The following RORA variants were observed in gnomAD, a reference collection of about 807,000 sequenced individuals.
RORA encodes the protein nuclear receptor ROR-alpha.
A neutral mutation model predicts 69.5 loss-of-function variants in RORA; 7 were observed. That is an observed-to-expected ratio of 0.10 (90% confidence interval 0.06 to 0.19). The LOEUF is 0.19. Among genes scored for constraint, RORA ranks in the 10% least tolerant of loss-of-function variants. RORA has a pLI of 1.00. For missense variants in RORA, 457 were observed against 663.0 expected, an observed-to-expected ratio of 0.69 and a Z score of 3.41; for synonymous variants, 261 against 240.8, an observed-to-expected ratio of 1.08 and a Z score of -0.78.
chr15:61,025,947 T>C (rs918202827), intron 1 of RORA, among the ~76,000 whole-genome samples: 2 of 152,168 alleles, frequency 1.3e-5, no homozygotes, highest in East Asian at 1.9e-4. Flanking sequence ...ATTAAACACA[T>C]TCCTAAAGGA....
At chr15:60,947,458 C>A (rs991110521) in intron 1 of RORA, among the ~76,000 whole-genome samples, 2 of 151,866 alleles carry the variant, frequency 1.3e-5, no homozygotes, top group Non-Finnish European at 2.9e-5. Flanking sequence ...AAGGGCGGTG[C>A]AAGATGTGCT....
intron 1 of RORA, among the ~76,000 whole-genome samples, chr15:60,756,791 T>G (rs1054377023): frequency 6.6e-6 from 1 of 152,162 alleles, no homozygotes; most frequent in African/African-American, 2.4e-5. Context: ...ACAGTTAAAT[T>G]TCAACCTACA....
intron 2 of RORA, among the ~76,000 whole-genome samples, chr15:60,589,491 G>A (rs966773658): frequency 2.6e-5 from 4 of 152,204 alleles, no homozygotes; most frequent in African/African-American, 7.2e-5. Context: ...CCGCTGCCGC[G>A]TGACATCTGG....
At chr15:60,826,525 T>A (rs2072959726) in intron 1 of RORA, among the ~76,000 whole-genome samples, 1 of 152,226 alleles carries the variant, frequency 6.6e-6, no homozygotes, top group Non-Finnish European at 1.5e-5. Context: ...GCACCAGTTC[T>A]AGGCGCTACA....
At chr15:60,568,175 T>C (rs748085057) in intron 2 of RORA, among the ~76,000 whole-genome samples, 7 of 152,222 alleles carry the variant, frequency 4.6e-5, no homozygotes, top group Non-Finnish European at 2.9e-5. Flanking sequence ...GATAGGACAG[T>C]GGTGCTCTGC....
At position 60,567,181 on chromosome 15, in the gene RORA, A is replaced by G. The variant is rs2059477; in HGVS notation, c.197-35330T>C. Among the ~76,000 whole-genome samples the G allele has an allele frequency of 6.0e-3, 915 of 151,482 alleles. 7 individuals are homozygous for G. The highest frequency in any genetic ancestry group is 0.021 in the African/African-American group (874 of 41,272). On this transcript the variant is annotated intron_variant, in intron 2 of 10. Coordinates refer to ENST00000335670, the MANE Select transcript of RORA (RefSeq NM_134261.3). Reference sequence around the variant, plus strand: ...ATTTCACATTAAAGTTCAGATTTATAGATTCTCTTAAAAAAAAAAAAAAGA... The same window carrying G: ...ATTTCACATTAAAGTTCAGATTTATGGATTCTCTTAAAAAAAAAAAAAAGA...
rs149643965 is a variant in RORA at position 61,191,340 on chromosome 15, C to T, written c.166+37713G>A. Among the ~76,000 whole-genome samples the T allele has an allele frequency of 4.8e-5, 7 of 145,828 alleles. No homozygotes were observed. The East Asian group carries it at 1.4e-3, about 30-fold the overall frequency. On this transcript the variant is annotated intron_variant, in intron 1 of 10. Transcript: ENST00000335670. ...AGCTGACATTTTTTAAAGGAAAGCA[C>T]ACCTAGGCTGCCATCTCCTTGTAGC...
intron 2 of RORA, among the ~76,000 whole-genome samples, chr15:60,590,201 T>TCTCTCTCTCTCTCTCTC (rs530043189): frequency 2.4e-5 from 2 of 84,068 alleles, no homozygotes; most frequent in African/African-American, 1.7e-4. Flanking sequence ...CTCTCTCTCT[T>TCTCTCTCTCTCTCTCTC]TCAGGCAGCT....
At position 60,893,607 on chromosome 15, in the gene RORA, A is replaced by C. The variant is rs186297573; in HGVS notation, c.167-214921T>G. Among the ~76,000 whole-genome samples the C allele has an allele frequency of 4.6e-5, 7 of 152,208 alleles. No individual in the cohort carries two copies. In the East Asian group the frequency reaches 1.4e-3, roughly 29 times the overall value. ...TGTCTGGGTGTGTGTGTGCGTTTTT[A>C]AAAAATTTTAAATTTTGGATAAGCC... On this transcript the variant is annotated intron_variant, in intron 1 of 10. Transcript: ENST00000335670.
intron 2 of RORA, among the ~76,000 whole-genome samples, chr15:60,563,785 A>G (rs554493900): frequency 6.6e-6 from 1 of 152,018 alleles, no homozygotes; most frequent in Non-Finnish European, 1.5e-5. Context: ...CACATCTTCT[A>G]GTTCACTGTG....
chr15:60,515,959 ATATT>A (rs1567050898), intron 3 of RORA, among the ~76,000 whole-genome samples: 4 of 31,182 alleles, frequency 1.3e-4, no homozygotes, highest in South Asian at 1.2e-3. Flanking sequence ...TTATATATTT[ATATT>A]TATATATATT....
At chr15:60,619,996 C>T (rs2069361444) in intron 2 of RORA, among the ~76,000 whole-genome samples, 1 of 152,242 alleles carries the variant, frequency 6.6e-6, no homozygotes, top group Admixed American at 6.5e-5. Context: ...TCATTCCTGC[C>T]CCTAAGATTC....
chr15:60,619,227 C>T (rs1045340028), intron 2 of RORA, among the ~76,000 whole-genome samples: 10 of 152,152 alleles, frequency 6.6e-5, no homozygotes, highest in Non-Finnish European at 8.8e-5. Context: ...ATCGTGGTAA[C>T]GAAATGACTA....
chr15:60,837,279 G>T (rs1412294045), intron 1 of RORA, among the ~76,000 whole-genome samples: 1 of 151,932 alleles, frequency 6.6e-6, no homozygotes, highest in Admixed American at 6.6e-5. Context: ...TCCTATGTTT[G>T]TGTCAATATA....
chr15:61,183,769 G>A (rs904966971), intron 1 of RORA, among the ~76,000 whole-genome samples: 2 of 152,154 alleles, frequency 1.3e-5, no homozygotes, highest in South Asian at 2.1e-4. Context: ...ACTGCTAAGA[G>A]CACCTTGTCC....
chr15:61,120,524 C>T (rs928049544), intron 1 of RORA, among the ~76,000 whole-genome samples: 3 of 151,786 alleles, frequency 2.0e-5, no homozygotes, highest in Admixed American at 2.0e-4. Flanking sequence ...ACGATGAAAC[C>T]CCGTCTCTAC....
chr15:60,516,504 A>C (rs1446635908), intron 3 of RORA, among the ~76,000 whole-genome samples: 4 of 151,666 alleles, frequency 2.6e-5, no homozygotes, highest in African/African-American at 9.7e-5. Flanking sequence ...TGAAGGGTAC[A>C]AAAGAGAATT....
At chr15:61,165,000 C>A (rs2079528627) in intron 1 of RORA, among the ~76,000 whole-genome samples, 1 of 152,142 alleles carries the variant, frequency 6.6e-6, no homozygotes, top group Non-Finnish European at 1.5e-5. Context: ...CACCACCTAC[C>A]CCTCTCCTGT....
chr15:60,955,089 G>A (rs1893226750), intron 1 of RORA, among the ~76,000 whole-genome samples: 1 of 152,140 alleles, frequency 6.6e-6, no homozygotes, highest in African/African-American at 2.4e-5. Context: ...GGATCATGAG[G>A]TTAGGAGTTC....
Sources: allele counts gnomAD v4.1 joint callset (sites outside exome capture counted in the v4.1 genomes callset), GRCh38; gene constraint gnomAD v4.1.1; transcripts MANE v1.5; gene names NCBI Gene and HGNC (gene_info 2026-07-23, HGNC 2026-07-21).